CCSER1: variants seen among roughly 807,000 people sequenced by gnomAD.
CCSER1 encodes the protein coiled-coil serine rich protein 1.
CCSER1 carries 41 observed loss-of-function variants against 82.0 expected under a neutral mutation model. The ratio of observed to expected loss-of-function variants is 0.50; its 90% CI spans 0.39 to 0.65. CCSER1 has a LOEUF of 0.65. CCSER1 is among the 30% of genes least tolerant of loss of function. CCSER1 has a pLI of 0.00. For missense variants in CCSER1, 1,119 were observed against 1,064.2 expected (o/e 1.05, Z -0.72); for synonymous variants, 414 against 383.9 (o/e 1.08, Z -0.92).
At chr4:90,742,639 A>G (rs908772068) in intron 7 of CCSER1, among the ~76,000 whole-genome samples, 1 of 152,164 alleles carries the variant, frequency 6.6e-6, no homozygotes, top group African/African-American at 2.4e-5. Context: ...ATAACTTTCA[A>G]TTGTTTAGAA....
intron 10 of CCSER1, among the ~76,000 whole-genome samples, chr4:91,229,081 C>A (rs148643861): frequency 6.6e-6 from 1 of 152,108 alleles, no homozygotes; most frequent in Non-Finnish European, 1.5e-5. Context: ...ATTTGTGTGG[C>A]CAATGCAAGG....
At chr4:91,097,039 G>A (rs1435171449) in intron 10 of CCSER1, among the ~76,000 whole-genome samples, 5 of 152,262 alleles carry the variant, frequency 3.3e-5, no homozygotes, top group Admixed American at 2.0e-4. Flanking sequence ...TCAGATGTCC[G>A]GACTCCAAGT....
In CCSER1 at chr4:90,825,346, TC is replaced by T. The variant is rs1580661129; in HGVS notation, c.2094+9502del. Among the ~76,000 whole-genome samples, 3 of 152,232 alleles carry T rather than the reference TC, an allele frequency of 2.0e-5. No homozygotes were observed. The East Asian group carries it at 5.8e-4, about 29-fold the overall frequency. On this transcript the variant is annotated intron_variant, in intron 8 of 10. Transcript: ENST00000509176. ...TTTTAAATTTATTATATAAGCTATG[TC>T]ATACAATTTACAAACTATCTTCTTT...
At chr4:90,652,613 A>C (rs568033109) in intron 6 of CCSER1, among the ~76,000 whole-genome samples, 5 of 152,248 alleles carry the variant, frequency 3.3e-5, no homozygotes, top group Middle Eastern at 3.4e-3. Flanking sequence ...CTTCCCTGTT[A>C]TCTTATTATC....
At chr4:90,139,138 C>T (rs1250352545) in intron 1 of CCSER1, among the ~76,000 whole-genome samples, 1 of 152,132 alleles carries the variant, frequency 6.6e-6, no homozygotes, top group African/African-American at 2.4e-5. Flanking sequence ...CAACCTGCCT[C>T]CTCACATCAT....
intron 4 of CCSER1, among the ~76,000 whole-genome samples, chr4:90,420,333 A>T (rs1246870225): frequency 1.9e-4 from 29 of 152,020 alleles, no homozygotes; most frequent in Non-Finnish European, 3.1e-4. Context: ...GTGACAGAAT[A>T]ATGTTCTAAC....
chr4:90,958,460 C>T (rs1733741046), intron 9 of CCSER1, among the ~76,000 whole-genome samples: 1 of 152,072 alleles, frequency 6.6e-6, no homozygotes, highest in Non-Finnish European at 1.5e-5. Flanking sequence ...GGGCTGTCAG[C>T]CAACATGCCT....
intron 6 of CCSER1, chr4:90,641,990 A>G (rs1331385081): frequency 3.1e-6 from 1 of 325,174 alleles, no homozygotes. Context: ...CAACTCACAT[A>G]CTTTTGTGTG....
intron 10 of CCSER1, among the ~76,000 whole-genome samples, chr4:91,123,678 T>C (rs990727552): frequency 6.6e-6 from 1 of 151,810 alleles, no homozygotes; most frequent in African/African-American, 2.4e-5. Flanking sequence ...GACTTTCTTT[T>C]AGAACAACTA....
At chr4:90,717,081 A>G (rs1201748204) in intron 6 of CCSER1, among the ~76,000 whole-genome samples, 1 of 152,188 alleles carries the variant, frequency 6.6e-6, no homozygotes, top group African/African-American at 2.4e-5. Flanking sequence ...GAATGAGAGC[A>G]TCTACTTTTC....
intron 10 of CCSER1, among the ~76,000 whole-genome samples, chr4:91,219,138 T>C (rs1737528572): frequency 6.6e-6 from 1 of 152,128 alleles, no homozygotes; most frequent in Non-Finnish European, 1.5e-5. Context: ...TGGGCTGTAA[T>C]ACAAAGTTTC....
At chr4:91,566,320 T>G (rs1411482819) in intron 10 of CCSER1, among the ~76,000 whole-genome samples, 1 of 152,112 alleles carries the variant, frequency 6.6e-6, no homozygotes, top group African/African-American at 2.4e-5. Flanking sequence ...TTTGCATTGA[T>G]GTTGATCCAG....
At chr4:90,376,541 C>T (rs753568601) in intron 3 of CCSER1, among the ~76,000 whole-genome samples, 15 of 152,092 alleles carry the variant, frequency 9.9e-5, no homozygotes, top group Non-Finnish European at 1.9e-4. Flanking sequence ...TTAAGGTAGT[C>T]CCTGATGGGT....
intron 1 of CCSER1, among the ~76,000 whole-genome samples, chr4:90,183,549 G>A (rs1002235459): frequency 3.9e-5 from 6 of 152,012 alleles, no homozygotes; most frequent in African/African-American, 1.4e-4. Flanking sequence ...ACACACACAT[G>A]CATGCACACA....
chr4:91,145,193 C>A lies in CCSER1; in HGVS notation c.2217+59199C>A, dbSNP rs139117872. ...GTTCAGTCTTTTTGTTCAATTGAAA[C>A]TAATATCGTTATGTAATGCTCTTCA... On this transcript the variant is annotated intron_variant, in intron 10 of 10. Transcript: ENST00000509176. 3.3e-5 allele frequency among the ~76,000 whole-genome samples: 5 copies of A among 152,210 alleles called. No homozygotes were observed. In the East Asian group the frequency reaches 9.7e-4, roughly 29 times the overall value.
intron 6 of CCSER1, among the ~76,000 whole-genome samples, chr4:90,628,923 T>A (rs980646598): frequency 4.6e-5 from 7 of 152,200 alleles, no homozygotes; most frequent in Non-Finnish European, 1.0e-4. Flanking sequence ...TATTATTACT[T>A]CATAGACATG....
At chr4:91,391,813 T>A (rs1751668396) in intron 10 of CCSER1, among the ~76,000 whole-genome samples, 1 of 152,168 alleles carries the variant, frequency 6.6e-6, no homozygotes, top group Non-Finnish European at 1.5e-5. Context: ...GAATGTGTAA[T>A]CTGCTATGTT....
intron 6 of CCSER1, among the ~76,000 whole-genome samples, chr4:90,640,920 T>G (rs557811766): frequency 2.4e-4 from 37 of 152,210 alleles, no homozygotes; most frequent in African/African-American, 7.7e-4. Flanking sequence ...TTTATAGCAG[T>G]ATGAAAACAG....
chr4:91,170,533 T>G (rs936965921), intron 10 of CCSER1, among the ~76,000 whole-genome samples: 2 of 152,198 alleles, frequency 1.3e-5, no homozygotes, highest in African/African-American at 2.4e-5. Flanking sequence ...GAAATTTTCT[T>G]GAGGGTAATA....
Sources: allele counts gnomAD v4.1 joint callset (sites outside exome capture counted in the v4.1 genomes callset), GRCh38; gene constraint gnomAD v4.1.1; transcripts MANE v1.5; gene names NCBI Gene and HGNC (gene_info 2026-07-23, HGNC 2026-07-21).